The following ATXN10 variants were observed in gnomAD, a reference collection of about 807,000 sequenced individuals.
ATXN10 encodes ataxin-10.
In ATXN10, 28 loss-of-function variants were observed where a neutral mutation model predicts 52.9. That is an observed-to-expected ratio of 0.53 (90% CI 0.39 to 0.73). ATXN10 has a LOEUF of 0.73. ATXN10 is among the 30% of genes least tolerant of loss of function. ATXN10 has a pLI of 0.00. For synonymous variants in ATXN10, 226 were observed against 221.5 expected, an observed-to-expected ratio of 1.02 and a Z score of -0.18; for missense variants, 565 against 577.0, an observed-to-expected ratio of 0.98 and a Z score of 0.21.
chr22:45,708,560 T>C lies in ATXN10; in HGVS notation c.647+5713T>C, dbSNP rs1010313439. 1.3e-5 allele frequency among the ~76,000 whole-genome samples: 2 copies of C among 152,230 alleles called. No individual in the cohort carries two copies. The highest frequency in any genetic ancestry group is 2.9e-5 in the Non-Finnish European group (2 of 68,036). ...TTTATTAATACCATGTCATGTGTTA[T>C]GAAAATTACCGATTTTCAGAGAGGA... is the stretch of plus-strand genomic sequence containing the variant. On this transcript the variant is annotated intron_variant, in intron 5 of 11. Coordinates refer to ENST00000252934, the MANE Select transcript of ATXN10 (RefSeq NM_013236.4). This position sits in a 1 kb window ranked among gnomAD's most constrained non-coding sequence, Gnocchi z 5.3.
rs1448927587 is a variant in ATXN10, at chr22:45,775,940, C to T, written c.1174-31019C>T. On this transcript the variant is annotated intron_variant, in intron 9 of 11. Coordinates refer to ENST00000252934, the MANE Select transcript of ATXN10 (RefSeq NM_013236.4). This position sits in a 1 kb window ranked among gnomAD's most constrained non-coding sequence, Gnocchi z 4.7. ...GATTAAGTGGAGCCACCATGGGCAC[C>T]GACATCTGTGGCCACTCCACAGCCC... Among the ~76,000 whole-genome samples the T allele has an allele frequency of 6.6e-6, 1 of 152,120 alleles. No homozygotes were observed. Among genetic ancestry groups the T allele is most frequent in the South Asian group, 2.1e-4 (1 of 4,826 alleles).
At position 45,696,385 on chromosome 22, in the gene ATXN10, G is replaced by T. The variant is rs1233878024; in HGVS notation, c.391+3307G>T. The stretch of plus-strand genomic sequence containing the variant: ...ATGGGGCGGGCAGTGTGGCGCTCCA[G>T]AGCTGCTGTGCTGTGGTGGGCGGAA... On this transcript the variant is annotated intron_variant, in intron 3 of 11. Transcript: ENST00000252934. The surrounding 1 kb of genome is among the most constrained non-coding windows in gnomAD (Gnocchi z 4.7). Among the ~76,000 whole-genome samples the T allele has an allele frequency of 6.6e-6, 1 of 152,214 alleles. No individual in the cohort carries two copies. The highest frequency in any genetic ancestry group is 1.5e-5 in the Non-Finnish European group (1 of 68,026).
chr22:45,687,185 T>C (rs1469338025), intron 1 of ATXN10, among the ~76,000 whole-genome samples: 1 of 152,228 alleles, frequency 6.6e-6, no homozygotes, highest in East Asian at 1.9e-4. Context: ...TATAACAAAT[T>C]ACCATGTAGC....
chr22:45,675,024 A>G (rs2146720166), intron 1 of ATXN10: 2 of 152,366 alleles, frequency 1.3e-5, no homozygotes, highest in Admixed American at 1.3e-4. Context: ...GGATGATGGT[A>G]GCCACTTTGA....
At chr22:45,767,633 T>C (rs1164722241) in intron 9 of ATXN10, among the ~76,000 whole-genome samples, 2 of 151,828 alleles carry the variant, frequency 1.3e-5, no homozygotes, top group Non-Finnish European at 2.9e-5. Context: ...TATGTTTTAC[T>C]TAATTAAAAA....
chr22:45,793,815 C>A, intron 9 of ATXN10: 2 of 1,302,238 alleles, frequency 1.5e-6, no homozygotes, highest in South Asian at 2.7e-5. Context: ...TGGGAAGGTT[C>A]TTGGCTTTGC....
intron 1 of ATXN10, chr22:45,689,467 G>T (rs1923280796): frequency 1.8e-6 from 1 of 543,402 alleles, no homozygotes. Flanking sequence ...GGAGAGGACA[G>T]TGTTGGCCTC....
chr22:45,701,636 G>A lies in ATXN10; in HGVS notation c.489-1053G>A, dbSNP rs1369568828. Reference sequence around the variant, plus strand: ...TTTTGAGAATTCATTCCCTTAAAACGTTTTGGATACCTAATATCTGCCAGG... The same window carrying A: ...TTTTGAGAATTCATTCCCTTAAAACATTTTGGATACCTAATATCTGCCAGG... On this transcript the variant is annotated intron_variant, in intron 4 of 11. Transcript: ENST00000252934. The surrounding 1 kb of genome is among the most constrained non-coding windows in gnomAD (Gnocchi z 4.2). Among the ~76,000 whole-genome samples the A allele has an allele frequency of 2.0e-5, 3 of 152,152 alleles. No homozygotes were observed. The highest frequency in any genetic ancestry group is 4.8e-5 in the African/African-American group (2 of 41,436).
intron 9 of ATXN10, chr22:45,740,794 G>C (rs1203395798): frequency 4.9e-6 from 1 of 205,914 alleles, no homozygotes; most frequent in East Asian, 1.1e-4. Flanking sequence ...AGGCTCTTTG[G>C]AGCCTAGACA....
chr22:45,767,322 G>A (rs1193816558), intron 9 of ATXN10, among the ~76,000 whole-genome samples: 4 of 151,908 alleles, frequency 2.6e-5, no homozygotes, highest in Admixed American at 2.6e-4. Flanking sequence ...TGTGGAAATA[G>A]CAATCGCAAA....
rs1458956485 is a variant in ATXN10, at chr22:45,757,176, G to A, written c.1173+16638G>A. 1.3e-5 allele frequency among the ~76,000 whole-genome samples: 2 copies of A among 152,136 alleles called. No individual in the cohort carries two copies. The highest frequency in any genetic ancestry group is 2.9e-5 in the Non-Finnish European group (2 of 68,034). On this transcript the variant is annotated intron_variant, in intron 9 of 11. Transcript: ENST00000252934. This position sits in a 1 kb window ranked among gnomAD's most constrained non-coding sequence, Gnocchi z 4.6. ...GGGGAGTCTGATGGGGAGGTGGGTG[G>A]CGGGGGTGTTGACAGGAAAAATCCG... is the stretch of plus-strand genomic sequence containing the variant.
At chr22:45,802,892 C>A (rs542588228) in intron 9 of ATXN10, among the ~76,000 whole-genome samples, 13 of 151,902 alleles carry the variant, frequency 8.6e-5, no homozygotes, top group African/African-American at 2.7e-4. Flanking sequence ...TCTCACTAAT[C>A]AAAAAAAACC....
At chr22:45,755,500 C>G (rs908466673) in intron 9 of ATXN10, among the ~76,000 whole-genome samples, 1 of 152,188 alleles carries the variant, frequency 6.6e-6, no homozygotes, top group African/African-American at 2.4e-5. Context: ...CTCCTTTCCC[C>G]TTCCCTCCTC....
At position 45,784,442 on chromosome 22, in the gene ATXN10, T is replaced by C. The variant is rs1927255496; in HGVS notation, c.1174-22517T>C. ...GAGCTAACACAGCTTCTAAGACATA[T>C]GATCTTGATTCGTAAGACATAGTCC... On this transcript the variant is annotated intron_variant, in intron 9 of 11. Transcript: ENST00000252934. The surrounding 1 kb of genome is among the most constrained non-coding windows in gnomAD (Gnocchi z 4.2). 6.6e-6 allele frequency among the ~76,000 whole-genome samples: 1 copy of C among 152,222 alleles called. No homozygotes were observed. Among genetic ancestry groups the C allele is most frequent in the Admixed American group, 6.5e-5 (1 of 15,284 alleles).
intron 5 of ATXN10, among the ~76,000 whole-genome samples, chr22:45,717,151 T>A (rs1359283456): frequency 6.6e-6 from 1 of 152,202 alleles, no homozygotes; most frequent in Admixed American, 6.5e-5. Context: ...CTAGCCTGTT[T>A]GATCTTCTTG....
At chr22:45,806,926 T>G in intron 9 of ATXN10, 33 bp from the exon 10 acceptor site, 1 of 1,546,968 alleles carries the variant, frequency 6.5e-7, no homozygotes, top group Admixed American at 1.7e-5. Context: ...CCATGCTGTT[T>G]TCAGTGTATA....
In ATXN10 at chr22:45,718,862, ACT is replaced by A. The variant is rs1252826518; in HGVS notation, c.728+372_728+373del. On this transcript the variant is annotated intron_variant, in intron 6 of 11. Transcript: ENST00000252934. This position sits in a 1 kb window ranked among gnomAD's most constrained non-coding sequence, Gnocchi z 4.4. ...TCATGGGTGTTATTATTTGTGATAC[ACT>A]CTGCTAGGTTTGTAGGTTTCTAATG... Among the ~76,000 whole-genome samples, 1 of 152,220 alleles carries A rather than the reference ACT, an allele frequency of 6.6e-6. No individual in the cohort carries two copies. Among genetic ancestry groups the A allele is most frequent in the African/African-American group, 2.4e-5 (1 of 41,538 alleles).
At chr22:45,785,743 A>G (rs775262458) in intron 9 of ATXN10, among the ~76,000 whole-genome samples, 2 of 152,196 alleles carry the variant, frequency 1.3e-5, no homozygotes, top group Non-Finnish European at 2.9e-5. Context: ...GTTCTGTGGA[A>G]GTCTGAGGAA....
chr22:45,788,435 C>G (rs765776076), intron 9 of ATXN10, among the ~76,000 whole-genome samples: 3 of 151,268 alleles, frequency 2.0e-5, no homozygotes, highest in Admixed American at 6.6e-5. Context: ...AGTGTCTGAT[C>G]TACCTTTACC....
Sources: gnomAD v4.1 joint callset for allele counts (sites outside exome capture counted in the v4.1 genomes callset) on GRCh38, gnomAD v4.1.1 for gene constraint, Gnocchi (gnomAD v3.1) non-coding constraint, MANE v1.5 for transcripts, NCBI Gene and HGNC (gene_info 2026-07-23, HGNC 2026-07-21) for gene names.